PCDH15: variants seen among roughly 807,000 people sequenced by gnomAD.
PCDH15 encodes protocadherin-15.
In PCDH15, 129 loss-of-function variants were observed where a neutral mutation model predicts 178.5. The ratio of observed to expected loss-of-function variants is 0.72; its 90% CI spans 0.63 to 0.84. The LOEUF is 0.84. PCDH15 is among the 40% of genes least tolerant of loss of function. PCDH15 has a pLI of 0.00. For missense variants in PCDH15, 2,230 were observed against 2,099.9 expected, an observed-to-expected ratio of 1.06 and a Z score of -1.21; for synonymous variants, 800 against 732.0, an observed-to-expected ratio of 1.09 and a Z score of -1.50.
At chr10:54,284,909 T>C (rs1303399488) in intron 8 of PCDH15, among the ~76,000 whole-genome samples, 2 of 152,210 alleles carry the variant, frequency 1.3e-5, no homozygotes, top group African/African-American at 4.8e-5. Flanking sequence ...CTCAGCATTT[T>C]AGTCTAGTCC....
At chr10:55,409,644 T>C (rs2132033677) in intron 2 of PCDH15, among the ~76,000 whole-genome samples, 1 of 152,182 alleles carries the variant, frequency 6.6e-6, no homozygotes, top group East Asian at 1.9e-4. Context: ...GCACCATAAG[T>C]AGATGGTTAA....
intron 3 of PCDH15, among the ~76,000 whole-genome samples, chr10:54,896,509 A>G (rs886480075): frequency 5.8e-5 from 4 of 69,340 alleles, no homozygotes; most frequent in Non-Finnish European, 1.1e-4. Context: ...TGAATTTCCC[A>G]GCGGAAAAAA....
intron 2 of PCDH15, among the ~76,000 whole-genome samples, chr10:55,363,907 G>C (rs1845291321): frequency 6.6e-6 from 1 of 152,130 alleles, no homozygotes; most frequent in African/African-American, 2.4e-5. Flanking sequence ...AAAGTGCTGG[G>C]ATTATAAGCG....
At chr10:54,524,255 T>C (rs1445719202) in intron 3 of PCDH15, among the ~76,000 whole-genome samples, 2 of 152,242 alleles carry the variant, frequency 1.3e-5, no homozygotes, top group African/African-American at 2.4e-5. Context: ...TATTTTAAAC[T>C]TTAAATTCAT....
At position 53,866,695 on chromosome 10, in the gene PCDH15, C is replaced by CGTAAG; in HGVS notation, c.3663_3664insCTTAC (p.Val1222LeufsTer13). 4 of 1,613,600 alleles carry CGTAAG rather than the reference C, an allele frequency of 2.5e-6. No individual in the cohort carries two copies. The highest frequency in any genetic ancestry group is 3.4e-6 in the Non-Finnish European group (4 of 1,179,716). On this transcript the variant is annotated frameshift_variant, in exon 27 of 38. Coordinates refer to ENST00000644397, the MANE Select transcript of PCDH15 (RefSeq NM_001384140.1). LOFTEE classifies it high-confidence loss of function. ...TTCCCATAGTCGTCAGTTGCAATAA[C>CGTAAG]TTGAAACTTGAAGTAGGATCTCCTC...
At chr10:54,883,546 G>A (rs1954300334) in intron 3 of PCDH15, among the ~76,000 whole-genome samples, 1 of 151,862 alleles carries the variant, frequency 6.6e-6, no homozygotes. Flanking sequence ...GTATCTTGAA[G>A]TAAATATGAC....
chr10:54,370,577 C>A (rs868678423), intron 4 of PCDH15, among the ~76,000 whole-genome samples: 166 of 151,794 alleles, frequency 1.1e-3, no homozygotes, highest in African/African-American at 3.8e-3. Context: ...ACTGTATGAT[C>A]CAGGAAAAAG....
chr10:55,260,639 C>A (rs1257775220), intron 1 of PCDH15, among the ~76,000 whole-genome samples: 3 of 152,022 alleles, frequency 2.0e-5, no homozygotes. Context: ...TTAAAATATT[C>A]TTCTTAAGCC....
intron 3 of PCDH15, among the ~76,000 whole-genome samples, chr10:54,867,088 G>A (rs915617063): frequency 2.0e-5 from 3 of 152,012 alleles, no homozygotes; most frequent in Admixed American, 6.6e-5. Flanking sequence ...TAACAACTGC[G>A]GCTACCCACC....
intron 2 of PCDH15, among the ~76,000 whole-genome samples, chr10:54,658,502 T>A (rs1450153139): frequency 6.6e-6 from 1 of 152,106 alleles, no homozygotes; most frequent in Non-Finnish European, 1.5e-5. Context: ...AATAATTTTA[T>A]AATAAATGGC....
intron 2 of PCDH15, among the ~76,000 whole-genome samples, chr10:54,967,788 A>C (rs1838829098): frequency 6.6e-6 from 1 of 152,158 alleles, no homozygotes; most frequent in Admixed American, 6.6e-5. Context: ...GAAGCTCAAG[A>C]CCATGGTGGG....
chr10:55,137,516 C>T (rs939860818), intron 2 of PCDH15, among the ~76,000 whole-genome samples: 2 of 134,950 alleles, frequency 1.5e-5, no homozygotes, highest in South Asian at 5.2e-4. Flanking sequence ...TTAAGTGATG[C>T]ATGACTGTAA....
intron 2 of PCDH15, among the ~76,000 whole-genome samples, chr10:55,536,099 C>G (rs1841573042): frequency 6.6e-6 from 1 of 152,012 alleles, no homozygotes; most frequent in Non-Finnish European, 1.5e-5. Flanking sequence ...CAATTGATTA[C>G]TAGGTTTCAC....
At chr10:54,824,821 T>C (rs1953099383) in intron 3 of PCDH15, among the ~76,000 whole-genome samples, 1 of 152,144 alleles carries the variant, frequency 6.6e-6, no homozygotes, top group South Asian at 2.1e-4. Context: ...AATGTTATGT[T>C]ATCTTTCTTT....
At chr10:54,823,227 GCA>G (rs769699395) in intron 3 of PCDH15, among the ~76,000 whole-genome samples, 1 of 65,272 alleles carries the variant, frequency 1.5e-5, no homozygotes, top group South Asian at 4.2e-4. Context: ...ACACACACAC[GCA>G]CACGCACACG....
At chr10:54,177,985 A>G (rs1441403805) in intron 13 of PCDH15, among the ~76,000 whole-genome samples, 3 of 152,224 alleles carry the variant, frequency 2.0e-5, no homozygotes, top group Non-Finnish European at 2.9e-5. Flanking sequence ...ACAAGTATAT[A>G]TAGAGGTGAT....
intron 17 of PCDH15, 147 bp from the exon 18 acceptor site, chr10:54,067,032 T>A: frequency 4.6e-6 from 3 of 652,682 alleles, no homozygotes; most frequent in South Asian, 4.5e-5. Context: ...AATAAAAAAA[T>A]AAAAAAATTA....
chr10:54,527,462 T>C (rs535963107), intron 3 of PCDH15, among the ~76,000 whole-genome samples: 1 of 152,284 alleles, frequency 6.6e-6, no homozygotes, highest in African/African-American at 2.4e-5. Context: ...GCTTATTTTG[T>C]GGACCACTTC....
At chr10:54,518,775 C>A (rs1177926546) in intron 3 of PCDH15, among the ~76,000 whole-genome samples, 3 of 152,158 alleles carry the variant, frequency 2.0e-5, no homozygotes, top group African/African-American at 4.8e-5. Context: ...GAATTTTAGA[C>A]CAATATCCTT....
Sources: gnomAD v4.1 joint callset for allele counts (sites outside exome capture counted in the v4.1 genomes callset) on GRCh38, gnomAD v4.1.1 for gene constraint, MANE v1.5 for transcripts, NCBI Gene and HGNC (gene_info 2026-07-23, HGNC 2026-07-21) for gene names.